Variants in PRKN observed in about 807,000 individuals in gnomAD.
PRKN encodes the protein parkin RBR E3 ubiquitin protein ligase.
A neutral mutation model predicts 59.5 loss-of-function variants in PRKN; 56 were observed. The observed-to-expected ratio is 0.94, with a 90% CI of 0.76 to 1.18. The LOEUF (loss-of-function observed/expected upper bound fraction) is 1.18, where lower values mean the gene tolerates loss of function less well. Ranked by LOEUF, PRKN falls within the 50% of genes most tolerant of loss-of-function variation. PRKN has a pLI of 0.00. For synonymous variants in PRKN, 250 were observed against 222.1 expected (o/e 1.13, Z -1.12); for missense variants, 657 against 596.4 (o/e 1.10, Z -1.06).
chr6:162,098,590 T>C (rs1779841528), intron 4 of PRKN, among the ~76,000 whole-genome samples: 1 of 152,186 alleles, frequency 6.6e-6, no homozygotes, highest in Non-Finnish European at 1.5e-5. Context: ...TAGTTTACTG[T>C]GCTTACGTAC....
intron 1 of PRKN, among the ~76,000 whole-genome samples, chr6:162,493,193 C>T (rs1436168055): frequency 6.6e-6 from 1 of 152,172 alleles, no homozygotes; most frequent in African/African-American, 2.4e-5. Context: ...TCAGAACCAC[C>T]ATCCCTTTAT....
At chr6:162,494,735 G>A (rs1376275254) in intron 1 of PRKN, among the ~76,000 whole-genome samples, 2 of 152,148 alleles carry the variant, frequency 1.3e-5, no homozygotes, top group African/African-American at 4.8e-5. Flanking sequence ...TAAATACTGT[G>A]TTATTATTAA....
intron 1 of PRKN, among the ~76,000 whole-genome samples, chr6:162,558,611 G>C (rs752646672): frequency 7.9e-5 from 12 of 151,582 alleles, no homozygotes; most frequent in Admixed American, 2.0e-4. Context: ...TTACAGGCAT[G>C]AGCCACTGTG....
At chr6:162,363,955 G>A (rs1004734063) in intron 2 of PRKN, among the ~76,000 whole-genome samples, 3 of 152,258 alleles carry the variant, frequency 2.0e-5, no homozygotes, top group East Asian at 1.9e-4. Flanking sequence ...AGTATTCACC[G>A]GCTGTGATGC....
At chr6:162,616,025 A>T (rs183736480) in intron 1 of PRKN, among the ~76,000 whole-genome samples, 27 of 152,326 alleles carry the variant, frequency 1.8e-4, no homozygotes, top group Admixed American at 1.8e-3. Context: ...CTATACCCGT[A>T]TATTCAAAAC....
rs1364600986 is a variant in PRKN, at chr6:161,562,622, G to T, written c.933+6733C>A. Among the ~76,000 whole-genome samples the T allele has an allele frequency of 1.3e-5, 2 of 152,036 alleles. No homozygotes were observed. Among genetic ancestry groups the T allele is most frequent in the Non-Finnish European group, 2.9e-5 (2 of 68,018 alleles). The stretch of plus-strand genomic sequence containing the variant: ...ACTTATCTCCTTCTCCATGCTTCAG[G>T]CATAGCAAATGTGTTCAGAATTGAA... On this transcript the variant is annotated intron_variant, in intron 8 of 11. Transcript: ENST00000366898. The surrounding 1 kb of genome is among the most constrained non-coding windows in gnomAD (Gnocchi z 4.3).
chr6:161,449,405 A>C (rs558931813), intron 9 of PRKN, among the ~76,000 whole-genome samples: 1 of 152,284 alleles, frequency 6.6e-6, no homozygotes, highest in Non-Finnish European at 1.5e-5. Context: ...ATCTATCCGT[A>C]TGTACTCTCC....
At chr6:162,711,435 A>AAC (rs61043383) in intron 1 of PRKN, among the ~76,000 whole-genome samples, 1 of 150,094 alleles carries the variant, frequency 6.7e-6, no homozygotes, top group East Asian at 2.0e-4. Context: ...AAAAAAAAAA[A>AAC]CCAGGAAAAG....
chr6:162,071,598 AT>A (rs11316742), intron 4 of PRKN, among the ~76,000 whole-genome samples: 106,884 of 135,650 alleles, frequency 0.79, 41,857 homozygotes, highest in East Asian at 0.86. Flanking sequence ...ACTGAATTTA[AT>A]TTTTTTTTTT....
intron 3 of PRKN, among the ~76,000 whole-genome samples, chr6:162,234,772 T>G (rs1778576015): frequency 6.6e-6 from 1 of 152,244 alleles, no homozygotes; most frequent in African/African-American, 2.4e-5. Context: ...GAGGGCAGAC[T>G]GTGGTGACAG....
intron 1 of PRKN, among the ~76,000 whole-genome samples, chr6:162,481,709 T>A (rs1260786573): frequency 2.0e-5 from 3 of 152,176 alleles, no homozygotes; most frequent in Non-Finnish European, 2.9e-5. Flanking sequence ...ATTGATTAAC[T>A]AAAATATTTT....
intron 2 of PRKN, among the ~76,000 whole-genome samples, chr6:162,440,498 T>C (rs1215872196): frequency 6.6e-6 from 1 of 152,184 alleles, no homozygotes; most frequent in Admixed American, 6.5e-5. Context: ...TTGCCTCAGT[T>C]TTCCTAGGAC....
intron 7 of PRKN, among the ~76,000 whole-genome samples, chr6:161,712,007 G>A (rs936245934): frequency 1.3e-5 from 2 of 152,100 alleles, no homozygotes; most frequent in African/African-American, 4.8e-5. Flanking sequence ...GGCCTACCGT[G>A]GGACTTTATC....
At position 162,310,360 on chromosome 6, in the gene PRKN, C is replaced by T. The variant is rs140362408; in HGVS notation, c.172-47595G>A. 7.7e-4 allele frequency among the ~76,000 whole-genome samples: 117 copies of T among 152,220 alleles called. No homozygotes were observed. In the Middle Eastern group the frequency reaches 0.01, roughly 13 times the overall value. The stretch of plus-strand genomic sequence containing the variant: ...CAGTTCCCCACCATAGCCAGAGGGC[C>T]GAAGTCCTAGCAGGTGCCATGGTGA... On this transcript the variant is annotated intron_variant, in intron 2 of 11. Coordinates refer to ENST00000366898, the MANE Select transcript of PRKN (RefSeq NM_004562.3).
chr6:162,320,029 C>G (rs1478228918), intron 2 of PRKN, among the ~76,000 whole-genome samples: 1 of 151,816 alleles, frequency 6.6e-6, no homozygotes. Context: ...TGTACACATT[C>G]TTTAGCTCTT....
At chr6:161,922,343 A>AGT (rs1229134861) in intron 6 of PRKN, among the ~76,000 whole-genome samples, 35 of 152,156 alleles carry the variant, frequency 2.3e-4, no homozygotes, top group Non-Finnish European at 4.1e-4. Flanking sequence ...CACCTTACTT[A>AGT]CAGTCTGATT....
chr6:162,612,011 C>T (rs1337259975), intron 1 of PRKN, among the ~76,000 whole-genome samples: 3 of 150,198 alleles, frequency 2.0e-5, no homozygotes, highest in South Asian at 2.1e-4. Flanking sequence ...CGGTGAAACC[C>T]CGTCTCTACT....
At chr6:161,667,870 A>G (rs1272591321) in intron 7 of PRKN, among the ~76,000 whole-genome samples, 1 of 152,236 alleles carries the variant, frequency 6.6e-6, no homozygotes, top group African/African-American at 2.4e-5. Context: ...ATAGAAAATA[A>G]AAGAGTGAGA....
intron 1 of PRKN, among the ~76,000 whole-genome samples, chr6:162,583,352 C>A (rs1322309637): frequency 6.6e-6 from 1 of 152,218 alleles, no homozygotes; most frequent in Non-Finnish European, 1.5e-5. Flanking sequence ...TTAGAGTTAG[C>A]TTCTGAAGTG....
Sources: allele counts gnomAD v4.1 joint callset (sites outside exome capture counted in the v4.1 genomes callset), GRCh38; gene constraint gnomAD v4.1.1; non-coding constraint Gnocchi (gnomAD v3.1); transcripts MANE v1.5; gene names NCBI Gene and HGNC (gene_info 2026-07-23, HGNC 2026-07-21).